BIVM: variants seen among roughly 807,000 people sequenced by gnomAD.
The protein encoded by BIVM is basic immunoglobulin-like variable motif-containing protein.
In BIVM, 31 loss-of-function variants were observed where a neutral mutation model predicts 61.4. The ratio of observed to expected loss-of-function variants is 0.51; its 90% CI spans 0.38 to 0.68. The LOEUF is 0.68. Among genes scored for constraint, BIVM ranks in the 30% least tolerant of loss-of-function variants. BIVM has a pLI of 0.00. For synonymous variants in BIVM, 189 were observed against 210.7 expected (o/e 0.90, Z 0.89); for missense variants, 526 against 596.0 (o/e 0.88, Z 1.22).
chr13:102,805,053 TTAAG>T (rs1379126548), intron 1 of BIVM, among the ~76,000 whole-genome samples: 1 of 152,214 alleles, frequency 6.6e-6, no homozygotes, highest in Non-Finnish European at 1.5e-5. Context: ...TTCTAATTTT[TTAAG>T]TAAGCAAATG....
Position 102,807,107 on chromosome 13 carries a change from T to A in BIVM, c.-122-39T>A. The stretch of plus-strand genomic sequence containing the variant: ...ATGCTTTTTAGTGGCTCTTTGTGTA[T>A]CTGGTGGATTGTTGATCATTCTTTT... On this transcript the variant is annotated intron_variant, in intron 2 of 10. Coordinates refer to ENST00000257336, the MANE Select transcript of BIVM (RefSeq NM_017693.4). The surrounding 1 kb of genome is among the most constrained non-coding windows in gnomAD (Gnocchi z 4.0). 3.0e-6 allele frequency: 2 copies of A among 676,642 alleles called. No individual in the cohort carries two copies. Among genetic ancestry groups the A allele is most frequent in the Non-Finnish European group, 4.7e-6 (2 of 423,074 alleles). 41.9% of individuals were successfully genotyped at this position (676,642 alleles called of 1,614,324 possible). A position where few individuals can be genotyped will look rare whatever the true frequency, so the allele number is the denominator to read the frequency against.
At position 102,807,811 on chromosome 13, in the gene BIVM, A is replaced by G. The variant is rs1197787838; in HGVS notation, c.478+66A>G. On this transcript the variant is annotated intron_variant, in intron 3 of 10. Transcript: ENST00000257336. The surrounding 1 kb of genome is among the most constrained non-coding windows in gnomAD (Gnocchi z 4.0). ...GAAAACAAACACTATGTCTTGTTTA[A>G]TCTTGCCATTACACATAGTTTCCTT... 1 of 1,464,068 alleles carries G rather than the reference A, an allele frequency of 6.8e-7. No homozygotes were observed. Among genetic ancestry groups the G allele is most frequent in the Non-Finnish European group, 9.2e-7 (1 of 1,088,068 alleles). 90.7% of individuals were successfully genotyped at this position (1,464,068 alleles called of 1,614,324 possible).
chr13:102,829,147 T>G (rs1880882785), intron 7 of BIVM, among the ~76,000 whole-genome samples: 1 of 152,162 alleles, frequency 6.6e-6, no homozygotes, highest in African/African-American at 2.4e-5. Context: ...CTCTATAAGT[T>G]CTTATGGAGT....
intron 3 of BIVM, among the ~76,000 whole-genome samples, chr13:102,814,850 C>G (rs1879754408): frequency 6.6e-6 from 1 of 152,112 alleles, no homozygotes; most frequent in Non-Finnish European, 1.5e-5. Flanking sequence ...TTGAGACCAA[C>G]CTGGGCAACA....
At chr13:102,838,590 T>C (rs750532255) in intron 9 of BIVM, 53 bp from the exon 10 acceptor site, 16 of 1,464,444 alleles carry the variant, frequency 1.1e-5, no homozygotes, top group Admixed American at 4.5e-5. Flanking sequence ...TCCATTGCAA[T>C]GATACTTTAG....
In BIVM at chr13:102,816,538, T is replaced by C. The variant is rs1432341680; in HGVS notation, c.589T>C (p.Leu197=). ...PLEDIKQRKV[L]DLRRWYCISR... ...TGAAGATATTAAACAGCGGAAAGTA[T>C]TAGACCTCAGACGATGGTGATGTTA... is the stretch of plus-strand genomic sequence containing the variant. The change falls in exon 4 of 11, where the codon TTA becomes CTA. Residue 197 remains leucine, a synonymous_variant. Transcript: ENST00000257336. 3 of 1,574,756 alleles carry C rather than the reference T, an allele frequency of 1.9e-6. No individual in the cohort carries two copies. Among genetic ancestry groups the C allele is most frequent in the Non-Finnish European group, 2.6e-6 (3 of 1,165,986 alleles).
intron 7 of BIVM, among the ~76,000 whole-genome samples, chr13:102,824,882 C>T (rs1021118943): frequency 7.9e-5 from 12 of 152,112 alleles, no homozygotes; most frequent in African/African-American, 2.9e-4. Flanking sequence ...CCCTTAGCCT[C>T]CCAAGTAGCT....
At position 102,839,496 on chromosome 13, in the gene BIVM, G is replaced by A. The variant is rs1881696407; in HGVS notation, c.1219-76G>A. 15 of 1,539,072 alleles carry A rather than the reference G, an allele frequency of 9.7e-6. 1 individual carries two copies. The South Asian group carries it at 1.8e-4, about 18-fold the overall frequency. On this transcript the variant is annotated intron_variant, in intron 10 of 10. Transcript: ENST00000257336. ...CCGGTGAAGTAAAAAAAGAAAGAAGGGAGTTCATAGGGACCTACAAATTAG... is the reference window on the plus strand; with the variant it reads ...CCGGTGAAGTAAAAAAAGAAAGAAGAGAGTTCATAGGGACCTACAAATTAG...
At chr13:102,813,456 A>G (rs1879638903) in intron 3 of BIVM, among the ~76,000 whole-genome samples, 1 of 152,012 alleles carries the variant, frequency 6.6e-6, no homozygotes, top group Admixed American at 6.5e-5. Context: ...TCTATTTCTC[A>G]TCTGAGATTT....
rs914661762 is a variant in BIVM at position 102,822,304 on chromosome 13, G to A, written c.901+145G>A. The A allele has an allele frequency of 4.2e-6, 3 of 716,184 alleles. No homozygotes were observed. In the East Asian group the frequency reaches 8.4e-5, roughly 20 times the overall value. The allele number at this position is 716,184 out of a possible 1,614,324, so 44.4% of individuals were successfully genotyped here. On this transcript the variant is annotated intron_variant, in intron 7 of 10. Transcript: ENST00000257336. Reference sequence around the variant, plus strand: ...AAACCCTCAGCACAGTCTGTTACTTGCATGTAATCTGTAGGGCACTTTTTA... The same window carrying A: ...AAACCCTCAGCACAGTCTGTTACTTACATGTAATCTGTAGGGCACTTTTTA...
In BIVM at chr13:102,830,660, G is replaced by C. The variant is rs930721602; in HGVS notation, c.902-905G>C. Among the ~76,000 whole-genome samples, 93 of 152,276 alleles carry C rather than the reference G, an allele frequency of 6.1e-4. 2 individuals carry two copies. The highest frequency in any genetic ancestry group is 2.2e-3 in the African/African-American group (92 of 41,546). The stretch of plus-strand genomic sequence containing the variant: ...TACTCCTCTAGCCTCCATAAGTTTT[G>C]TGTAAAGATTAAAGTGTGTGTAGAA... On this transcript the variant is annotated intron_variant, in intron 7 of 10. Coordinates refer to ENST00000257336, the MANE Select transcript of BIVM (RefSeq NM_017693.4).
intron 7 of BIVM, among the ~76,000 whole-genome samples, chr13:102,825,703 G>A (rs2140484394): frequency 6.6e-6 from 1 of 152,318 alleles, no homozygotes; most frequent in African/African-American, 2.4e-5. Flanking sequence ...TGGAGCATGT[G>A]GAATGTGGGA....
At chr13:102,809,845 G>A (rs964701938) in intron 3 of BIVM, among the ~76,000 whole-genome samples, 2 of 149,970 alleles carry the variant, frequency 1.3e-5, no homozygotes, top group African/African-American at 4.9e-5. Flanking sequence ...GAGTGCAGTG[G>A]CGCGATCTCG....
At chr13:102,802,345 C>T (rs1878799118) in intron 1 of BIVM, among the ~76,000 whole-genome samples, 1 of 152,212 alleles carries the variant, frequency 6.6e-6, no homozygotes. Flanking sequence ...ATAATAGAAG[C>T]CCCCTTGGCC....
intron 9 of BIVM, 89 bp downstream of exon 9, chr13:102,834,641 A>G: frequency 7.9e-7 from 1 of 1,258,516 alleles, no homozygotes; most frequent in Non-Finnish European, 1.1e-6. Context: ...AATTAGTTTG[A>G]TAAATGAATG....
At position 102,807,825 on chromosome 13, in the gene BIVM, CAT is replaced by C; in HGVS notation, c.478+82_478+83del. 7.1e-7 allele frequency: 1 copy of C among 1,406,640 alleles called. No homozygotes were observed. The highest frequency in any genetic ancestry group is 9.6e-7 in the Non-Finnish European group (1 of 1,046,384). The allele number at this position is 1,406,640 out of a possible 1,614,324, so 87.1% of individuals were successfully genotyped here. A position where few individuals can be genotyped will look rare whatever the true frequency, so the allele number is the denominator to read the frequency against. On this transcript the variant is annotated intron_variant, in intron 3 of 10. Coordinates refer to ENST00000257336, the MANE Select transcript of BIVM (RefSeq NM_017693.4). This position sits in a 1 kb window ranked among gnomAD's most constrained non-coding sequence, Gnocchi z 4.0. ...TGTCTTGTTTAATCTTGCCATTACA[CAT>C]AGTTTCCTTGTATAATACTAGATAA...
chr13:102,823,787 T>C (rs1880461496), intron 7 of BIVM, among the ~76,000 whole-genome samples: 1 of 152,258 alleles, frequency 6.6e-6, no homozygotes, highest in Admixed American at 6.5e-5. Context: ...CTAAAATATG[T>C]AGTTCTTTTA....
At chr13:102,834,714 C>T (rs2140498394) in intron 9 of BIVM, among the ~76,000 whole-genome samples, 162 bp downstream of exon 9, 1 of 152,310 alleles carries the variant, frequency 6.6e-6, no homozygotes, top group South Asian at 2.1e-4. Context: ...AAAATACTCT[C>T]ACTCTCTACT....
At chr13:102,814,077 G>T (rs77205308) in intron 3 of BIVM, among the ~76,000 whole-genome samples, 2,076 of 152,178 alleles carry the variant, frequency 0.014, 39 homozygotes, top group African/African-American at 0.042. Context: ...ATTTGTGTGT[G>T]TATGTGTCTG....
Sources: allele counts gnomAD v4.1 joint callset (sites outside exome capture counted in the v4.1 genomes callset), GRCh38; gene constraint gnomAD v4.1.1; non-coding constraint Gnocchi (gnomAD v3.1); transcripts MANE v1.5; gene names NCBI Gene and HGNC (gene_info 2026-07-23, HGNC 2026-07-21).